TAF5L: variants seen among roughly 807,000 people sequenced by gnomAD.
TAF5L encodes the protein TAF5-like RNA polymerase II p300/CBP-associated factor-associated factor 65 kDa subunit 5L.
In TAF5L, 7 loss-of-function variants were observed where a neutral mutation model predicts 51.3. The observed-to-expected ratio is 0.14, with a 90% confidence interval of 0.08 to 0.26. The LOEUF is 0.26. Ranked by LOEUF, TAF5L falls within the 10% of genes least tolerant of loss-of-function variation. TAF5L has a pLI of 1.00. For synonymous variants in TAF5L, 291 were observed against 308.1 expected, an observed-to-expected ratio of 0.94 and a Z score of 0.58; for missense variants, 575 against 758.9, an observed-to-expected ratio of 0.76 and a Z score of 2.85.
chr1:229,598,563 G>A (rs977067353), intron 4 of TAF5L, among the ~76,000 whole-genome samples: 4 of 152,118 alleles, frequency 2.6e-5, no homozygotes, highest in South Asian at 4.1e-4. Flanking sequence ...GATAAGGGTA[G>A]CTGCATACAC....
chr1:229,602,972 CGTG>C lies in TAF5L; in HGVS notation c.248-56_248-54del, dbSNP rs1664444394. 6.6e-7 allele frequency: 1 copy of C among 1,518,992 alleles called. No homozygotes were observed. Among genetic ancestry groups the C allele is most frequent in the African/African-American group, 1.4e-5 (1 of 72,140 alleles). 94.1% of individuals were successfully genotyped at this position (1,518,992 alleles called of 1,614,324 possible). Reference sequence around the variant, plus strand: ...TAATCAGCATAATCTTACAGAATAACGTGATCCCTCCTGGGGATCACCACCATC... The same window carrying C: ...TAATCAGCATAATCTTACAGAATAACATCCCTCCTGGGGATCACCACCATC... On this transcript the variant is annotated intron_variant, in intron 3 of 4. Transcript: ENST00000258281. The surrounding 1 kb of genome is among the most constrained non-coding windows in gnomAD (Gnocchi z 4.6).
chr1:229,607,027 T>A (rs1664619864), intron 3 of TAF5L: 1 of 985,456 alleles, frequency 1.0e-6, no homozygotes, highest in South Asian at 4.7e-5. Context: ...CAAGTCTTTA[T>A]CTTTCTCCTA....
intron 1 of TAF5L, among the ~76,000 whole-genome samples, chr1:229,622,144 C>G (rs1029881817): frequency 6.6e-6 from 1 of 151,936 alleles, no homozygotes; most frequent in African/African-American, 2.4e-5. Flanking sequence ...GCATTTAACA[C>G]TTGCACTTTG....
Position 229,602,554 on chromosome 1 carries a change from T to C in TAF5L, c.613A>G (p.Thr205Ala), listed in dbSNP as rs140622725. 1.2e-6 allele frequency: 2 copies of C among 1,614,218 alleles called. No individual in the cohort carries two copies. The highest frequency in any genetic ancestry group is 3.3e-5 in the Admixed American group (2 of 60,018). Residue 205 changes from threonine (T) to alanine (A), a missense_variant, in exon 4 of 5, where the codon ACA becomes GCA. Thr to Ala is a moderately conservative substitution (Grantham distance 58, BLOSUM62 0). Transcript: ENST00000258281. The surrounding 1 kb of genome is among the most constrained non-coding windows in gnomAD (Gnocchi z 4.6). ...CCACTGGCATACAGCTGATAGTCTGTTCTCTTGGCAGGCTGCACGTCAAGA... is the reference window on the plus strand; with the variant it reads ...CCACTGGCATACAGCTGATAGTCTGCTCTCTTGGCAGGCTGCACGTCAAGA...
chr1:229,607,568 C>G, intron 3 of TAF5L: 1 of 809,146 alleles, frequency 1.2e-6, no homozygotes, highest in Non-Finnish European at 1.5e-6. Flanking sequence ...AAGCCTACCT[C>G]CTGCTCAGTA....
intron 4 of TAF5L, among the ~76,000 whole-genome samples, chr1:229,596,332 A>G (rs1253515573): frequency 3.3e-5 from 5 of 152,210 alleles, no homozygotes; most frequent in Admixed American, 2.6e-4. Flanking sequence ...AGAGGAGTTT[A>G]GCCAAAATAA....
At chr1:229,620,893 T>G (rs926468403) in intron 1 of TAF5L, among the ~76,000 whole-genome samples, 40 of 152,224 alleles carry the variant, frequency 2.6e-4, no homozygotes, top group Non-Finnish European at 2.5e-4. Context: ...TGCTTATCAC[T>G]GTTCCTGAAA....
chr1:229,600,853 A>G (rs1664347187), intron 4 of TAF5L: 5 of 984,736 alleles, frequency 5.1e-6, no homozygotes, highest in Non-Finnish European at 6.0e-6. Flanking sequence ...TTTAATATTA[A>G]TTTTTAATGC....
chr1:229,597,148 T>C (rs1262428869), intron 4 of TAF5L, among the ~76,000 whole-genome samples: 1 of 152,244 alleles, frequency 6.6e-6, no homozygotes, highest in East Asian at 1.9e-4. Flanking sequence ...AGAAAGTTTA[T>C]ATAAAGACTG....
At chr1:229,605,697 CCAAT>C (rs892842200) in intron 3 of TAF5L, among the ~76,000 whole-genome samples, 81 of 152,022 alleles carry the variant, frequency 5.3e-4, no homozygotes, top group African/African-American at 1.7e-3. Flanking sequence ...TGGGCCTCAT[CCAAT>C]CAATCAATCA....
chr1:229,624,675 G>C (rs564705174), intron 1 of TAF5L, among the ~76,000 whole-genome samples: 6 of 152,178 alleles, frequency 3.9e-5, no homozygotes, highest in Non-Finnish European at 8.8e-5. Flanking sequence ...ACAGTTCAGA[G>C]AGGTTATGCA....
chr1:229,617,771 T>C (rs1198220991), intron 1 of TAF5L, among the ~76,000 whole-genome samples: 1 of 152,200 alleles, frequency 6.6e-6, no homozygotes, highest in Non-Finnish European at 1.5e-5. Flanking sequence ...ACACTGACCA[T>C]ATTTAAGATT....
At chr1:229,619,819 G>A (rs1179994944) in intron 1 of TAF5L, among the ~76,000 whole-genome samples, 2 of 152,052 alleles carry the variant, frequency 1.3e-5, no homozygotes, top group Non-Finnish European at 2.9e-5. Context: ...CCCTCCCACT[G>A]CAAGCCTCTC....
rs1664602866 is a variant in TAF5L, at chr1:229,606,563, T to C, written c.247+3543A>G. 3.0e-6 allele frequency: 3 copies of C among 985,318 alleles called. No homozygotes were observed. In the Admixed American group the frequency reaches 1.8e-4, roughly 61 times the overall value. 61.0% of individuals were successfully genotyped at this position (985,318 alleles called of 1,614,324 possible). ...CCTCTACCTTTCTTCAAGGTTTGGCTCTATTGACTAGCACTCCTCTGTCCT... is the reference window on the plus strand; with the variant it reads ...CCTCTACCTTTCTTCAAGGTTTGGCCCTATTGACTAGCACTCCTCTGTCCT... On this transcript the variant is annotated intron_variant, in intron 3 of 4. Transcript: ENST00000258281.
chr1:229,624,328 T>C (rs1411416565), intron 1 of TAF5L, among the ~76,000 whole-genome samples: 1 of 152,198 alleles, frequency 6.6e-6, no homozygotes. Context: ...AAGCCCACCT[T>C]TTAATTTTCT....
intron 3 of TAF5L, 101 bp from the exon 4 acceptor site, chr1:229,603,020 G>A: frequency 2.8e-6 from 4 of 1,448,186 alleles, no homozygotes; most frequent in Non-Finnish European, 3.6e-6. Context: ...TTTCTTGCCA[G>A]GACCCCATTT....
chr1:229,616,590 C>T (rs1039768312), intron 1 of TAF5L, among the ~76,000 whole-genome samples: 1 of 152,084 alleles, frequency 6.6e-6, no homozygotes, highest in Non-Finnish European at 1.5e-5. Context: ...TGGTGAATAA[C>T]CAAACAAATG....
chr1:229,604,821 G>T (rs1017916124), intron 3 of TAF5L, among the ~76,000 whole-genome samples: 5 of 152,174 alleles, frequency 3.3e-5, no homozygotes, highest in African/African-American at 1.2e-4. Context: ...GACTGTAATT[G>T]TTGTATTTCT....
Position 229,602,960 on chromosome 1 carries a change from C to A in TAF5L, c.248-41G>T. 6.5e-7 allele frequency: 1 copy of A among 1,537,198 alleles called. No homozygotes were observed. Among genetic ancestry groups the A allele is most frequent in the South Asian group, 1.3e-5 (1 of 79,108 alleles). ...AAGAAGGCTTTATAATCAGCATAAT[C>A]TTACAGAATAACGTGATCCCTCCTG... On this transcript the variant is annotated intron_variant, in intron 3 of 4. Transcript: ENST00000258281. This position sits in a 1 kb window ranked among gnomAD's most constrained non-coding sequence, Gnocchi z 4.6.
Sources: gnomAD v4.1 joint callset for allele counts (sites outside exome capture counted in the v4.1 genomes callset) on GRCh38, gnomAD v4.1.1 for gene constraint, Gnocchi (gnomAD v3.1) non-coding constraint, MANE v1.5 for transcripts, NCBI Gene and HGNC (gene_info 2026-07-23, HGNC 2026-07-21) for gene names.